The following BCAP29 variants were observed in gnomAD, a reference collection of about 807,000 sequenced individuals.
BCAP29 encodes B-cell receptor-associated protein 29.
BCAP29 carries 34 observed loss-of-function variants against 31.8 expected under a neutral mutation model. The observed-to-expected ratio is 1.07, with a 90% confidence interval of 0.81 to 1.42. The LOEUF is 1.42. Ranked by LOEUF, BCAP29 falls within the 40% of genes most tolerant of loss-of-function variation. BCAP29 has a pLI of 0.00. For missense variants in BCAP29, 314 were observed against 269.2 expected (o/e 1.17, Z -1.16); for synonymous variants, 104 against 91.3 (o/e 1.14, Z -0.79).
intron 6 of BCAP29, among the ~76,000 whole-genome samples, chr7:107,612,117 T>C (rs1414649512): frequency 1.3e-5 from 2 of 152,058 alleles, no homozygotes; most frequent in Non-Finnish European, 2.9e-5. Context: ...GAACCTATAA[T>C]TTTATTTCAT....
intron 7 of BCAP29, among the ~76,000 whole-genome samples, chr7:107,617,817 A>G (rs116659871): frequency 0.015 from 2,224 of 152,140 alleles, 55 homozygotes; most frequent in African/African-American, 0.052. Flanking sequence ...CATGATGTAG[A>G]CATTTACTTT....
chr7:107,599,140 T>A (rs1306991598), intron 5 of BCAP29, among the ~76,000 whole-genome samples: 1 of 119,176 alleles, frequency 8.4e-6, no homozygotes, highest in Non-Finnish European at 1.7e-5. Flanking sequence ...AAAATTTATA[T>A]GTATATAAAT....
chr7:107,618,351 G>A lies in BCAP29; in HGVS notation c.714G>A (p.Lys238=). 1 of 1,598,880 alleles carries A rather than the reference G, an allele frequency of 6.3e-7. No homozygotes were observed. Residue 238 remains lysine, a synonymous_variant, in exon 8 of 8, where the codon AAG becomes AAA. Transcript: ENST00000005259. ...ELQDRLERGN[K]KRL is the part of the protein sequence containing the mutation. The stretch of plus-strand genomic sequence containing the variant: ...AGGATCGTTTAGAAAGAGGCAACAA[G>A]AAAAGACTGTGAACTTTATAAAAGA...
rs1056040418 is a variant in BCAP29, at chr7:107,594,042, A to T, written c.281A>T (p.Gln94Leu). 1.9e-6 allele frequency: 3 copies of T among 1,613,966 alleles called. No individual in the cohort carries two copies. Among genetic ancestry groups the T allele is most frequent in the Non-Finnish European group, 2.5e-6 (3 of 1,179,824 alleles). Residue 94 changes from glutamine (Q) to leucine (L), a missense_variant, in exon 4 of 8, where the codon CAG (glutamine) becomes CTG (leucine). Transcript: ENST00000005259. ...AGACCTGATGCCTATGAACACACAC[A>T]GATGAAACTTTTTAGGTCTCAAAGA... ...TSRPDAYEHT[Q>L]MKLFRSQRNL...
intron 2 of BCAP29, among the ~76,000 whole-genome samples, chr7:107,581,631 G>T (rs188719049): frequency 8.2e-4 from 125 of 152,178 alleles, no homozygotes; most frequent in African/African-American, 2.9e-3. Context: ...CATACTCCTG[G>T]CATAAAAGAA....
intron 5 of BCAP29, 37 bp from the exon 6 acceptor site, chr7:107,600,360 C>G (rs1585145372): frequency 1.6e-6 from 2 of 1,283,282 alleles, no homozygotes; most frequent in East Asian, 4.6e-5. Flanking sequence ...CTATTGCAAT[C>G]TAAGCTTATT....
chr7:107,600,828 G>T (rs117006503), intron 6 of BCAP29, among the ~76,000 whole-genome samples: 1 of 152,106 alleles, frequency 6.6e-6, no homozygotes, highest in Admixed American at 6.5e-5. Context: ...TTCCATCATC[G>T]TATATTCCTC....
At chr7:107,584,802 T>C (rs1402838108) in intron 3 of BCAP29, among the ~76,000 whole-genome samples, 1 of 152,214 alleles carries the variant, frequency 6.6e-6, no homozygotes, top group African/African-American at 2.4e-5. Flanking sequence ...TTGTTAACTT[T>C]AGTTGTGATA....
intron 3 of BCAP29, among the ~76,000 whole-genome samples, chr7:107,585,675 A>G (rs1807526384): frequency 6.6e-6 from 1 of 152,298 alleles, no homozygotes; most frequent in East Asian, 1.9e-4. Flanking sequence ...GAGTTGTAGT[A>G]TAAGTTCTTT....
intron 5 of BCAP29, among the ~76,000 whole-genome samples, chr7:107,596,973 T>A (rs1246472233): frequency 6.6e-6 from 1 of 152,170 alleles, no homozygotes; most frequent in Non-Finnish European, 1.5e-5. Flanking sequence ...CTGTCCTGAT[T>A]TGCTGCTTCC....
intron 7 of BCAP29, among the ~76,000 whole-genome samples, chr7:107,616,922 A>G (rs1814269974): frequency 6.6e-6 from 1 of 152,150 alleles, no homozygotes; most frequent in South Asian, 2.1e-4. Context: ...TATTTTTAGT[A>G]GAGACAGGGT....
At chr7:107,583,804 G>T in intron 2 of BCAP29, 78 bp from the exon 3 acceptor site, 1 of 602,940 alleles carries the variant, frequency 1.7e-6, no homozygotes, top group East Asian at 3.3e-5. Flanking sequence ...TTACTAAAAT[G>T]TTACTTCAGT....
At chr7:107,607,958 T>C (rs1208204062) in intron 6 of BCAP29, among the ~76,000 whole-genome samples, 1 of 152,108 alleles carries the variant, frequency 6.6e-6, no homozygotes, top group Non-Finnish European at 1.5e-5. Flanking sequence ...GTTTTCTACT[T>C]TTGTATAGGT....
chr7:107,604,121 G>C (rs1811660832), intron 6 of BCAP29, among the ~76,000 whole-genome samples: 2 of 151,934 alleles, frequency 1.3e-5, no homozygotes, highest in Admixed American at 6.6e-5. Context: ...TACTAGATTT[G>C]GACCAGGAAA....
At chr7:107,592,068 T>G (rs1808967104) in intron 3 of BCAP29, among the ~76,000 whole-genome samples, 1 of 152,132 alleles carries the variant, frequency 6.6e-6, no homozygotes, top group African/African-American at 2.4e-5. Context: ...ATTACAGGTG[T>G]TAGCCACCAC....
chr7:107,596,577 AAACTC>A (rs2129240193), intron 5 of BCAP29, among the ~76,000 whole-genome samples: 1 of 148,122 alleles, frequency 6.8e-6, no homozygotes, highest in East Asian at 1.9e-4. Flanking sequence ...AGTGTTAACT[AAACTC>A]AAAAGCACGC....
intron 2 of BCAP29, 29 bp from the exon 3 acceptor site, chr7:107,583,853 A>T: frequency 8.4e-7 from 1 of 1,188,912 alleles, no homozygotes; most frequent in Non-Finnish European, 1.2e-6. Context: ...TAGTTTTTTT[A>T]TACCTAATAT....
At chr7:107,587,219 G>C (rs1350289503) in intron 3 of BCAP29, among the ~76,000 whole-genome samples, 5 of 152,132 alleles carry the variant, frequency 3.3e-5, no homozygotes, top group South Asian at 2.1e-4. Context: ...TTCCATAACT[G>C]ATCTAAAATT....
At chr7:107,620,518 A>G (rs1489742446), downstream of BCAP29, 1 of 152,204 alleles carries the variant, frequency 6.6e-6, no homozygotes. Context: ...CCCATTGTCA[A>G]TAATGACTTC....
Sources: allele counts gnomAD v4.1 joint callset (sites outside exome capture counted in the v4.1 genomes callset), GRCh38; gene constraint gnomAD v4.1.1; transcripts MANE v1.5; gene names NCBI Gene and HGNC (gene_info 2026-07-23, HGNC 2026-07-21).